The following GALNT13 variants were observed in gnomAD, a reference collection of about 807,000 sequenced individuals.
GALNT13 encodes polypeptide N-acetylgalactosaminyltransferase 13.
Under a neutral mutation model 64.2 loss-of-function variants are expected in GALNT13, and 28 were observed. That is an observed-to-expected ratio of 0.44 (90% CI 0.32 to 0.60). GALNT13 has a LOEUF of 0.60. Among genes scored for constraint, GALNT13 ranks in the 20% least tolerant of loss-of-function variants. The pLI, the probability that GALNT13 is intolerant of heterozygous loss-of-function variation, is 0.05. For missense variants in GALNT13, 577 were observed against 669.8 expected, an observed-to-expected ratio of 0.86 and a Z score of 1.53; for synonymous variants, 214 against 224.6, an observed-to-expected ratio of 0.95 and a Z score of 0.42.
At chr2:154,008,450 G>C (rs1409810373) in intron 3 of GALNT13, among the ~76,000 whole-genome samples, 1 of 151,810 alleles carries the variant, frequency 6.6e-6, no homozygotes, top group African/African-American at 2.4e-5. Flanking sequence ...TTCATTTTAG[G>C]TTTAGGGGTA....
At chr2:153,410,304 C>T in the GALNT13 span, among the ~76,000 whole-genome samples, 1 of 152,036 alleles carries the variant, frequency 6.6e-6, no homozygotes. Context: ...CTATGTTGCC[C>T]AGACTTATCT....
the GALNT13 span, among the ~76,000 whole-genome samples, chr2:153,260,788 C>T: frequency 3.3e-5 from 5 of 152,128 alleles, no homozygotes; most frequent in African/African-American, 7.2e-5. Flanking sequence ...TCTTTCTACC[C>T]TGAACTTTCT....
chr2:153,724,906 C>G, the GALNT13 span, among the ~76,000 whole-genome samples: 1 of 151,340 alleles, frequency 6.6e-6, no homozygotes, highest in Non-Finnish European at 1.5e-5. Context: ...GGCCATTCCT[C>G]AGGGATCTAG....
the GALNT13 span, among the ~76,000 whole-genome samples, chr2:153,320,894 C>A: frequency 2.6e-5 from 4 of 152,138 alleles, no homozygotes; most frequent in African/African-American, 7.2e-5. Context: ...ATTTATATAT[C>A]TTTTAACCCA....
chr2:153,248,717 G>A, the GALNT13 span, among the ~76,000 whole-genome samples: 9 of 151,324 alleles, frequency 5.9e-5, no homozygotes, highest in South Asian at 1.7e-3. Context: ...TCAGGAGGCT[G>A]AGGCAGGATA....
At chr2:153,336,013 C>A in the GALNT13 span, among the ~76,000 whole-genome samples, 1 of 152,166 alleles carries the variant, frequency 6.6e-6, no homozygotes, top group African/African-American at 2.4e-5. Flanking sequence ...CAAGCCTTGG[C>A]ATCTTCCATA....
chr2:153,556,290 GA>G, the GALNT13 span, among the ~76,000 whole-genome samples: 2 of 152,092 alleles, frequency 1.3e-5, no homozygotes, highest in Non-Finnish European at 2.9e-5. Flanking sequence ...TTTAAATTAA[GA>G]GAAATTTTGT....
intron 4 of GALNT13, among the ~76,000 whole-genome samples, chr2:154,191,312 C>T (rs978480184): frequency 1.3e-5 from 2 of 152,128 alleles, no homozygotes; most frequent in African/African-American, 4.8e-5. Context: ...CTTCTCTTTT[C>T]CTGAGCAGAG....
chr2:153,992,122 T>C (rs1187184047), intron 3 of GALNT13, among the ~76,000 whole-genome samples: 1 of 152,202 alleles, frequency 6.6e-6, no homozygotes, highest in Non-Finnish European at 1.5e-5. Context: ...ATATAGTGAC[T>C]TACCATTGTT....
At chr2:154,423,974 C>G (rs566713373) in intron 11 of GALNT13, among the ~76,000 whole-genome samples, 37 of 152,268 alleles carry the variant, frequency 2.4e-4, no homozygotes, top group African/African-American at 8.2e-4. Flanking sequence ...GACCCCTAAT[C>G]CAGCCATGAG....
At chr2:154,016,109 T>C (rs1696986257) in intron 3 of GALNT13, among the ~76,000 whole-genome samples, 1 of 152,178 alleles carries the variant, frequency 6.6e-6, no homozygotes, top group Admixed American at 6.6e-5. Flanking sequence ...GCAAGCAATA[T>C]TTTAGAAACA....
Position 154,040,276 on chromosome 2 carries a change from A to G in GALNT13, c.142+95637A>G, listed in dbSNP as rs1178972664. 4.3e-5 allele frequency among the ~76,000 whole-genome samples: 6 copies of G among 140,760 alleles called. 1 individual carries two copies. Among genetic ancestry groups the G allele is most frequent in the African/African-American group, 1.5e-4 (6 of 40,888 alleles). 92.3% of individuals were successfully genotyped at this position (140,760 alleles called of 152,430 possible). A position where few individuals can be genotyped will look rare whatever the true frequency, so the allele number is the denominator to read the frequency against. The stretch of plus-strand genomic sequence containing the variant: ...AAAATGTGAAAATGCTCAAATCAAG[A>G]AGGTCATTGTGAGTTCTTTAAAGCC... On this transcript the variant is annotated intron_variant, in intron 3 of 12. Transcript: ENST00000392825.
At chr2:153,148,695 G>A in the GALNT13 span, among the ~76,000 whole-genome samples, 3 of 151,902 alleles carry the variant, frequency 2.0e-5, no homozygotes, top group Non-Finnish European at 2.9e-5. Flanking sequence ...TGTTAAGACA[G>A]GGGGTTCTGG....
At chr2:153,504,710 A>C in the GALNT13 span, among the ~76,000 whole-genome samples, 1 of 152,242 alleles carries the variant, frequency 6.6e-6, no homozygotes, top group South Asian at 2.1e-4. Flanking sequence ...ATGTTAAACC[A>C]TTCCAGCATC....
chr2:154,267,378 G>A (rs1032151894), intron 8 of GALNT13, among the ~76,000 whole-genome samples: 1 of 151,924 alleles, frequency 6.6e-6, no homozygotes, highest in Non-Finnish European at 1.5e-5. Context: ...GGTGGCTCAC[G>A]CCTGTAATCC....
chr2:154,171,589 C>G (rs1402265351), intron 4 of GALNT13, among the ~76,000 whole-genome samples: 3 of 152,028 alleles, frequency 2.0e-5, no homozygotes, highest in African/African-American at 7.2e-5. Context: ...TATGAACATA[C>G]TTTTCTGAAC....
chr2:153,772,478 A>C, the GALNT13 span, among the ~76,000 whole-genome samples: 1 of 152,042 alleles, frequency 6.6e-6, no homozygotes. Context: ...TATCAGCTGA[A>C]TGCCATCACG....
intron 8 of GALNT13, among the ~76,000 whole-genome samples, chr2:154,290,861 C>T (rs1351406217): frequency 6.6e-6 from 1 of 152,006 alleles, no homozygotes; most frequent in African/African-American, 2.4e-5. Flanking sequence ...CTGCAACCTT[C>T]ACAGTGAGTG....
chr2:153,614,120 T>C, the GALNT13 span, among the ~76,000 whole-genome samples: 9 of 152,164 alleles, frequency 5.9e-5, no homozygotes, highest in Admixed American at 4.6e-4. Context: ...AGGTGAGTTA[T>C]AAATGAATGA....
Sources: gnomAD v4.1 joint callset for allele counts (sites outside exome capture counted in the v4.1 genomes callset) on GRCh38, gnomAD v4.1.1 for gene constraint, MANE v1.5 for transcripts, NCBI Gene and HGNC (gene_info 2026-07-23, HGNC 2026-07-21) for gene names.